CACNA1D: variants seen among roughly 807,000 people sequenced by gnomAD.
The protein encoded by CACNA1D is voltage-dependent L-type calcium channel subunit alpha-1D.
Under a neutral mutation model 257.1 loss-of-function variants are expected in CACNA1D, and 55 were observed. The ratio of observed to expected loss-of-function variants is 0.21; its 90% CI spans 0.17 to 0.27. CACNA1D has a LOEUF of 0.27. Among genes scored for constraint, CACNA1D ranks in the 10% least tolerant of loss-of-function variants. The pLI is 1.00. For missense variants in CACNA1D, 1,876 were observed against 2,784.0 expected (o/e 0.67, Z 7.34); for synonymous variants, 980 against 1,014.9 (o/e 0.97, Z 0.65).
chr3:53,714,627 CT>C (rs1559557755), intron 9 of CACNA1D, among the ~76,000 whole-genome samples: 2 of 152,130 alleles, frequency 1.3e-5, no homozygotes, highest in Non-Finnish European at 1.5e-5. Context: ...ACTCGTTTGG[CT>C]TTTTGGAACT....
chr3:53,777,295 A>C (rs2095403079), intron 37 of CACNA1D, among the ~76,000 whole-genome samples: 1 of 152,162 alleles, frequency 6.6e-6, no homozygotes, highest in African/African-American at 2.4e-5. Context: ...GCAAAGGGTG[A>C]GCCATTGGGT....
chr3:53,645,806 C>G (rs76697148), intron 3 of CACNA1D, among the ~76,000 whole-genome samples: 4,341 of 152,074 alleles, frequency 0.029, 76 homozygotes, highest in East Asian at 0.074. Context: ...TTAAGCTGAG[C>G]CTTGAAGGGC....
Position 53,660,126 on chromosome 3 carries a change from C to T in CACNA1D, c.624-7C>T. The T allele has an allele frequency of 1.9e-6, 3 of 1,613,170 alleles. No homozygotes were observed. The highest frequency in any genetic ancestry group is 2.5e-6 in the Non-Finnish European group (3 of 1,179,114). Reference sequence around the variant, plus strand: ...TCTAACATTTCTTTCTCTTTCTCTTCTTTCAGATTGTTTAGTGTAATTTTG... The same window carrying T: ...TCTAACATTTCTTTCTCTTTCTCTTTTTTCAGATTGTTTAGTGTAATTTTG... On this transcript the variant is annotated splice_region_variant and splice_polypyrimidine_tract_variant and intron_variant, in intron 4 of 47. Coordinates refer to ENST00000350061, the MANE Select transcript of CACNA1D (RefSeq NM_001128840.3).
At chr3:53,601,398 C>T (rs1367652762) in intron 3 of CACNA1D, among the ~76,000 whole-genome samples, 1 of 152,236 alleles carries the variant, frequency 6.6e-6, no homozygotes, top group East Asian at 1.9e-4. Context: ...TGGGGCTGTG[C>T]TCCCTGGTTA....
chr3:53,776,593 G>A lies in CACNA1D; in HGVS notation c.4363-10G>A. The A allele has an allele frequency of 1.2e-6, 2 of 1,614,070 alleles. No homozygotes were observed. The highest frequency in any genetic ancestry group is 1.7e-6 in the Non-Finnish European group (2 of 1,179,978). Reference sequence around the variant, plus strand: ...AGCTGAAGTTCTTCCTTTCCTATTTGCTTTTTCAGATCATCAATCTGTTTG... The same window carrying A: ...AGCTGAAGTTCTTCCTTTCCTATTTACTTTTTCAGATCATCAATCTGTTTG... On this transcript the variant is annotated splice_polypyrimidine_tract_variant and intron_variant, in intron 35 of 47. Transcript: ENST00000350061.
intron 3 of CACNA1D, among the ~76,000 whole-genome samples, chr3:53,589,076 A>C (rs1416319899): frequency 6.6e-6 from 1 of 152,202 alleles, no homozygotes; most frequent in Non-Finnish European, 1.5e-5. Context: ...TCCCTTATAC[A>C]GAAGTTAGTG....
chr3:53,646,859 T>C (rs2094026778), intron 3 of CACNA1D, among the ~76,000 whole-genome samples: 1 of 152,194 alleles, frequency 6.6e-6, no homozygotes, highest in African/African-American at 2.4e-5. Context: ...ACAGCACTAA[T>C]AAGAGGATTC....
chr3:53,688,611 C>G (rs887456407), intron 8 of CACNA1D, among the ~76,000 whole-genome samples: 2 of 152,174 alleles, frequency 1.3e-5, no homozygotes, highest in African/African-American at 4.8e-5. Flanking sequence ...GAAAAGTCAT[C>G]TCATTTGCAG....
intron 40 of CACNA1D, among the ~76,000 whole-genome samples, chr3:53,790,309 G>A (rs921848281): frequency 4.6e-5 from 7 of 152,212 alleles, no homozygotes; most frequent in African/African-American, 1.4e-4. Context: ...TTCTAGATGA[G>A]GACATCTGTG....
In CACNA1D at chr3:53,576,050, G is replaced by A. The variant is rs372303503; in HGVS notation, c.483+74330G>A. 5.3e-5 allele frequency among the ~76,000 whole-genome samples: 8 copies of A among 152,262 alleles called. No homozygotes were observed. In the East Asian group the frequency reaches 1.4e-3, roughly 26 times the overall value. Reference sequence around the variant, plus strand: ...GGGAACGTTCCCTCTCTCCGTTGATGCTTGAGAAAGCTACAAGACGCTGAT... The same window carrying A: ...GGGAACGTTCCCTCTCTCCGTTGATACTTGAGAAAGCTACAAGACGCTGAT... On this transcript the variant is annotated intron_variant, in intron 3 of 47. Transcript: ENST00000350061.
At chr3:53,499,195 T>C (rs1009017118) in intron 2 of CACNA1D, among the ~76,000 whole-genome samples, 1 of 152,202 alleles carries the variant, frequency 6.6e-6, no homozygotes, top group African/African-American at 2.4e-5. Flanking sequence ...GCTGTCTCCC[T>C]TTTCCAGTTG....
At chr3:53,625,247 G>A (rs755140096) in intron 3 of CACNA1D, among the ~76,000 whole-genome samples, 4 of 152,198 alleles carry the variant, frequency 2.6e-5, no homozygotes, top group Admixed American at 6.5e-5. Flanking sequence ...GGGCAGCTGC[G>A]TCTGAGCACT....
At chr3:53,700,416 T>C (rs7340705) in intron 8 of CACNA1D, among the ~76,000 whole-genome samples, 62,475 of 151,864 alleles carry the variant, frequency 0.41, 14,202 homozygotes, top group African/African-American at 0.63. Flanking sequence ...TTCCTGCAGA[T>C]ACATGACATG....
chr3:53,753,274 G>T (rs2095241257), intron 28 of CACNA1D, among the ~76,000 whole-genome samples: 1 of 152,192 alleles, frequency 6.6e-6, no homozygotes, highest in African/African-American at 2.4e-5. Context: ...ATTGTGCTCT[G>T]GTCAAGGCCC....
intron 8 of CACNA1D, among the ~76,000 whole-genome samples, chr3:53,677,174 C>T (rs146582012): frequency 2.6e-5 from 4 of 152,310 alleles, no homozygotes; most frequent in African/African-American, 9.6e-5. Context: ...CTGCCTCCTT[C>T]TCCATTTCAG....
intron 9 of CACNA1D, among the ~76,000 whole-genome samples, chr3:53,711,797 A>G (rs992242986): frequency 6.6e-6 from 1 of 152,240 alleles, no homozygotes; most frequent in African/African-American, 2.4e-5. Context: ...GAATTAAGAG[A>G]TTATCAGATA....
chr3:53,753,729 A>G (rs1183700485), intron 29 of CACNA1D, 47 bp downstream of exon 29: 2 of 1,095,780 alleles, frequency 1.8e-6, no homozygotes, highest in African/African-American at 3.1e-5. Flanking sequence ...GAGTCACCCT[A>G]GAGAAGTACC....
At chr3:53,762,127 T>G in intron 30 of CACNA1D, 46 bp downstream of exon 30, 1 of 1,153,132 alleles carries the variant, frequency 8.7e-7, no homozygotes, top group Non-Finnish European at 1.3e-6. Context: ...CTCTCTCCTC[T>G]GTCTGTGCAT....
chr3:53,710,286 A>T, intron 9 of CACNA1D: 1 of 421,992 alleles, frequency 2.4e-6, no homozygotes, highest in Admixed American at 2.6e-5. Flanking sequence ...GCGGGCGTCC[A>T]TTGCGTGAGG....
Sources: allele counts gnomAD v4.1 joint callset (sites outside exome capture counted in the v4.1 genomes callset), GRCh38; gene constraint gnomAD v4.1.1; transcripts MANE v1.5; gene names NCBI Gene and HGNC (gene_info 2026-07-23, HGNC 2026-07-21).